Variants in CFAP20DC observed in about 807,000 individuals in gnomAD.
CFAP20DC encodes the protein CFAP20 domain containing, also known as protein CFAP20DC.
A neutral mutation model predicts 101.7 loss-of-function variants in CFAP20DC; 84 were observed. The ratio of observed to expected loss-of-function variants is 0.83; its 90% CI spans 0.69 to 0.99. CFAP20DC has a LOEUF of 0.99. CFAP20DC is among the 50% of genes least tolerant of loss of function. The pLI is 0.00. For missense variants in CFAP20DC, 1,007 were observed against 970.3 expected (o/e 1.04, Z -0.50); for synonymous variants, 359 against 351.2 (o/e 1.02, Z -0.25).
At chr3:58,804,857 C>T (rs529857453) in intron 15 of CFAP20DC, among the ~76,000 whole-genome samples, 68 of 152,296 alleles carry the variant, frequency 4.5e-4, no homozygotes, top group African/African-American at 1.5e-3. Flanking sequence ...GAAATTCTAA[C>T]CTCAGTTTTA....
chr3:58,798,242 A>T (rs2061281442), intron 15 of CFAP20DC, among the ~76,000 whole-genome samples: 1 of 152,168 alleles, frequency 6.6e-6, no homozygotes, highest in Non-Finnish European at 1.5e-5. Flanking sequence ...ACCATTCCAG[A>T]TGCCACTAAA....
chr3:58,719,589 A>C (rs1251852123), intron 3 of CFAP20DC, among the ~76,000 whole-genome samples: 2 of 152,200 alleles, frequency 1.3e-5, no homozygotes, highest in Non-Finnish European at 2.9e-5. Context: ...CTATTTGATA[A>C]GACAGAGTCT....
rs187058543 is a variant in CFAP20DC, at chr3:58,787,949, G to C, written c.2237+18446C>G. On this transcript the variant is annotated intron_variant, in intron 15 of 16. Coordinates refer to ENST00000482387, the MANE Select transcript of CFAP20DC (RefSeq NM_001394063.1). ...GGGAGTTGAACAATGAGAACACACA[G>C]ACACAGGGAGGGGAACATCACACAC... Among the ~76,000 whole-genome samples, 118 of 150,586 alleles carry C rather than the reference G, an allele frequency of 7.8e-4. No individual in the cohort carries two copies. The East Asian group carries it at 0.02, about 26-fold the overall frequency.
intron 4 of CFAP20DC, among the ~76,000 whole-genome samples, chr3:58,945,334 T>G (rs1027880560): frequency 6.6e-6 from 1 of 152,200 alleles, no homozygotes; most frequent in African/African-American, 2.4e-5. Context: ...AGATATTTAA[T>G]ATCTAATGGC....
intron 6 of CFAP20DC, among the ~76,000 whole-genome samples, chr3:58,903,835 G>C (rs1055006790): frequency 6.6e-6 from 1 of 152,090 alleles, no homozygotes; most frequent in Non-Finnish European, 1.5e-5. Flanking sequence ...TTTGTTTCTC[G>C]ACCCAATTCT....
intron 13 of CFAP20DC, among the ~76,000 whole-genome samples, chr3:58,843,443 C>T (rs1306936181): frequency 5.9e-4 from 89 of 151,450 alleles, no homozygotes; most frequent in African/African-American, 1.8e-3. Context: ...TGAAATGAAG[C>T]GAGAAGGGAA....
At chr3:58,995,837 C>A (rs1296295493) in intron 4 of CFAP20DC, among the ~76,000 whole-genome samples, 1 of 152,176 alleles carries the variant, frequency 6.6e-6, no homozygotes, top group South Asian at 2.1e-4. Context: ...GGAGCTTATA[C>A]CATTGGCTCT....
chr3:58,720,327 A>C (rs1345368524), intron 3 of CFAP20DC, among the ~76,000 whole-genome samples: 8 of 152,228 alleles, frequency 5.3e-5, no homozygotes, highest in African/African-American at 1.7e-4. Flanking sequence ...CAGTTTCCTC[A>C]TCTCTCAAGT....
chr3:58,902,045 T>C (rs984050605), intron 6 of CFAP20DC, among the ~76,000 whole-genome samples: 2 of 152,232 alleles, frequency 1.3e-5, no homozygotes, highest in African/African-American at 4.8e-5. Context: ...CTTCTTTCAC[T>C]GAGCATGTTT....
chr3:58,929,429 C>T (rs1431432047), intron 5 of CFAP20DC, among the ~76,000 whole-genome samples: 3 of 152,204 alleles, frequency 2.0e-5, no homozygotes, highest in Non-Finnish European at 4.4e-5. Flanking sequence ...AACCACCTAA[C>T]ACTGAACTCT....
intron 14 of CFAP20DC, among the ~76,000 whole-genome samples, chr3:58,813,818 C>G (rs1229458615): frequency 6.6e-6 from 1 of 151,848 alleles, no homozygotes; most frequent in African/African-American, 2.4e-5. Flanking sequence ...ATCAATGCAT[C>G]ACCATTTCAG....
intron 4 of CFAP20DC, among the ~76,000 whole-genome samples, chr3:58,981,128 A>G (rs2092522858): frequency 6.6e-6 from 1 of 152,204 alleles, no homozygotes; most frequent in Admixed American, 6.5e-5. Flanking sequence ...AGAATAAAAC[A>G]CCTAGGAATC....
intron 14 of CFAP20DC, among the ~76,000 whole-genome samples, chr3:58,818,096 A>AT (rs1302966064): frequency 1.3e-5 from 2 of 150,710 alleles, no homozygotes; most frequent in African/African-American, 4.9e-5. Context: ...ATGCTGAGAG[A>AT]TTTTGTCACC....
Position 58,841,042 on chromosome 3 carries a change from G to A in CFAP20DC, c.1971+7990C>T, listed in dbSNP as rs137961013. Among the ~76,000 whole-genome samples, 304 of 152,316 alleles carry A rather than the reference G, an allele frequency of 2.0e-3. 1 individual carries two copies. Among genetic ancestry groups the A allele is most frequent in the African/African-American group, 7.0e-3 (290 of 41,578 alleles). ...GCTTTGACAGAGGGTTCTGTTTGGG[G>A]AAGGCTATTTATCAAATGACCTAGA... On this transcript the variant is annotated intron_variant, in intron 13 of 16. Transcript: ENST00000482387.
chr3:58,898,828 C>T (rs1414697472), intron 6 of CFAP20DC, among the ~76,000 whole-genome samples: 4 of 150,864 alleles, frequency 2.7e-5, no homozygotes, highest in Non-Finnish European at 4.4e-5. Flanking sequence ...GTTTATCTAC[C>T]TTTGATCTTT....
chr3:58,730,338 C>T (rs1559526311), intron 3 of CFAP20DC, among the ~76,000 whole-genome samples: 1 of 152,066 alleles, frequency 6.6e-6, no homozygotes, highest in Non-Finnish European at 1.5e-5. Flanking sequence ...TCACATTGTA[C>T]TTCGTAAATA....
At chr3:58,847,494 A>G (rs1193348877) in intron 13 of CFAP20DC, among the ~76,000 whole-genome samples, 10 of 149,744 alleles carry the variant, frequency 6.7e-5, no homozygotes, top group Non-Finnish European at 1.2e-4. Context: ...TTAGAATGGC[A>G]ATCATTAAAA....
intron 6 of CFAP20DC, among the ~76,000 whole-genome samples, chr3:58,891,419 C>T (rs1230338394): frequency 6.7e-4 from 79 of 117,132 alleles, no homozygotes; most frequent in African/African-American, 2.5e-3. Context: ...AGAGGGAGAC[C>T]GTGGGGAGAG....
intron 4 of CFAP20DC, among the ~76,000 whole-genome samples, chr3:58,972,202 G>A (rs760237754): frequency 7.2e-5 from 11 of 152,136 alleles, no homozygotes; most frequent in Admixed American, 3.9e-4. Flanking sequence ...AGATAGGGGC[G>A]TTCTGCTAGG....
Sources: gnomAD v4.1 joint callset for allele counts (sites outside exome capture counted in the v4.1 genomes callset) on GRCh38, gnomAD v4.1.1 for gene constraint, MANE v1.5 for transcripts, NCBI Gene and HGNC (gene_info 2026-07-23, HGNC 2026-07-21) for gene names.